NMNAT1: variants seen among roughly 807,000 people sequenced by gnomAD.
NMNAT1 encodes nicotinamide/nicotinic acid mononucleotide adenylyltransferase 1.
NMNAT1 carries 11 observed loss-of-function variants against 16.7 expected under a neutral mutation model. The ratio of observed to expected loss-of-function variants is 0.66; its 90% CI spans 0.41 to 1.09. The LOEUF (loss-of-function observed/expected upper bound fraction) is 1.09. Ranked by LOEUF, NMNAT1 falls within the 50% of genes least tolerant of loss-of-function variation. The pLI, the probability that NMNAT1 is intolerant of heterozygous loss-of-function variation, is 0.00. For missense variants in NMNAT1, 280 were observed against 332.3 expected (o/e 0.84, Z 1.22); for synonymous variants, 110 against 119.8 (o/e 0.92, Z 0.53).
At chr1:9,944,795 T>C (rs998966713) in intron 1 of NMNAT1, among the ~76,000 whole-genome samples, 1 of 152,262 alleles carries the variant, frequency 6.6e-6, no homozygotes, top group African/African-American at 2.4e-5. Flanking sequence ...TGGAATCTCT[T>C]TATTACCATC....
intron 1 of NMNAT1, among the ~76,000 whole-genome samples, chr1:9,944,352 A>T (rs1640914100): frequency 6.6e-6 from 1 of 152,238 alleles, no homozygotes; most frequent in South Asian, 2.1e-4. Context: ...ATTTGAGCCC[A>T]GGCTGGGCAA....
intron 1 of NMNAT1, among the ~76,000 whole-genome samples, chr1:9,968,076 T>TG (rs1172583249): frequency 1.2e-5 from 1 of 85,882 alleles, no homozygotes; most frequent in African/African-American, 2.8e-5. Flanking sequence ...TAGTTTTTTT[T>TG]TTTGTTTTTT....
chr1:9,982,691 C>T lies in NMNAT1; in HGVS notation c.830C>T (p.Ala277Val). 6.2e-7 allele frequency: 1 copy of T among 1,604,210 alleles called. No homozygotes were observed. ...CCTTTGCAGAGAAACACTGCAGAAG[C>T]TAAGACATAGGAATTCTACAGCATG... ...LAPLQRNTAE[A>V]KT Residue 277 changes from alanine to valine, a missense_variant, in exon 5 of 5, where the codon GCT becomes GTT. Physicochemically the swap from Ala to Val is moderately conservative, Grantham distance 64. Transcript: ENST00000377205.
intron 3 of NMNAT1, among the ~76,000 whole-genome samples, chr1:9,977,053 C>A (rs1453685549): frequency 1.3e-5 from 2 of 150,462 alleles, no homozygotes; most frequent in East Asian, 3.9e-4. Flanking sequence ...ATTACAGGCG[C>A]CTGCCACCAC....
At chr1:9,986,328 G>A (rs1642044592), downstream of NMNAT1, among the ~76,000 whole-genome samples, 1 of 152,166 alleles carries the variant, frequency 6.6e-6, no homozygotes, top group South Asian at 2.1e-4. Flanking sequence ...TTGTTTTGCT[G>A]GAGTCTTTTA....
Position 9,946,845 on chromosome 1 carries a change from T to C in NMNAT1, c.-57+3330T>C, listed in dbSNP as rs1640992115. Among the ~76,000 whole-genome samples the C allele has an allele frequency of 4.6e-5, 7 of 152,276 alleles. No individual in the cohort carries two copies. In the South Asian group the frequency reaches 1.0e-3, roughly 23 times the overall value. ...GTGAGGACTAGCAAGAAGGTGGCCATGTACAAGACAGGAACAGAGCTGCCA... is the reference window on the plus strand; with the variant it reads ...GTGAGGACTAGCAAGAAGGTGGCCACGTACAAGACAGGAACAGAGCTGCCA... On this transcript the variant is annotated intron_variant, in intron 1 of 4. Coordinates refer to ENST00000377205, the MANE Select transcript of NMNAT1 (RefSeq NM_022787.4).
At chr1:9,977,914 T>A (rs895100023) in intron 3 of NMNAT1, among the ~76,000 whole-genome samples, 1 of 152,038 alleles carries the variant, frequency 6.6e-6, no homozygotes, top group Non-Finnish European at 1.5e-5. Flanking sequence ...GGGTCACTCC[T>A]CCGATGTTGC....
chr1:9,988,204 G>C (rs547902079), downstream of NMNAT1, among the ~76,000 whole-genome samples: 1 of 152,164 alleles, frequency 6.6e-6, no homozygotes, highest in African/African-American at 2.4e-5. Flanking sequence ...CTCCATGTTG[G>C]CCCGGCTGAT....
intron 1 of NMNAT1, among the ~76,000 whole-genome samples, chr1:9,948,796 G>A (rs1187886236): frequency 6.6e-6 from 1 of 151,374 alleles, no homozygotes; most frequent in African/African-American, 2.4e-5. Flanking sequence ...ACAGGCACCC[G>A]CCACCATGCC....
At chr1:9,977,650 T>G (rs534392511) in intron 3 of NMNAT1, among the ~76,000 whole-genome samples, 1 of 152,140 alleles carries the variant, frequency 6.6e-6, no homozygotes, top group African/African-American at 2.4e-5. Context: ...GCAGATCACC[T>G]GAGTCCAGTA....
chr1:9,956,104 A>G (rs114617394), intron 1 of NMNAT1, among the ~76,000 whole-genome samples: 2,393 of 152,112 alleles, frequency 0.016, 60 homozygotes, highest in African/African-American at 0.053. Flanking sequence ...AAAATAGTCC[A>G]TAAATAATAG....
downstream of NMNAT1, among the ~76,000 whole-genome samples, chr1:9,987,655 ATAAAT>A (rs563998686): frequency 2.4e-4 from 36 of 151,814 alleles, no homozygotes; most frequent in South Asian, 6.0e-3. Context: ...AAATAAATAA[ATAAAT>A]TAAATTAAAT....
rs867881349 is a variant in NMNAT1 at position 9,948,945 on chromosome 1, C to T, written c.-57+5430C>T. On this transcript the variant is annotated intron_variant, in intron 1 of 4. Transcript: ENST00000377205. ...TACAGGCGTCAGCCACTGTGTCTGGCCCGGAATTGTTAAATATACACTGAA... is the reference window on the plus strand; with the variant it reads ...TACAGGCGTCAGCCACTGTGTCTGGTCCGGAATTGTTAAATATACACTGAA... 4.6e-5 allele frequency among the ~76,000 whole-genome samples: 7 copies of T among 150,908 alleles called. No individual in the cohort carries two copies. The South Asian group carries it at 1.5e-3, about 32-fold the overall frequency.
the NMNAT1 span, among the ~76,000 whole-genome samples, chr1:9,994,405 C>T: frequency 1.3e-5 from 2 of 151,028 alleles, no homozygotes; most frequent in African/African-American, 4.9e-5. Flanking sequence ...GAGCCACTGT[C>T]CCCAGCCAAA....
At chr1:9,963,639 C>T (rs997080139) in intron 1 of NMNAT1, among the ~76,000 whole-genome samples, 6 of 152,024 alleles carry the variant, frequency 3.9e-5, no homozygotes, top group Non-Finnish European at 7.4e-5. Context: ...GAACTTCTGA[C>T]CTCGTGATCC....
rs527636315 is a variant in NMNAT1, at chr1:9,972,571, A to G, written c.115+383A>G. 4.7e-4 allele frequency: 84 copies of G among 177,934 alleles called. 1 individual carries two copies. Among genetic ancestry groups the G allele is most frequent in the African/African-American group, 2.0e-3 (83 of 42,262 alleles). 11.0% of individuals were successfully genotyped at this position (177,934 alleles called of 1,614,324 possible). A position where few individuals can be genotyped will look rare whatever the true frequency, so the allele number is the denominator to read the frequency against. ...TACACATTTCATTGACTGGGCACAA[A>G]CATGCTGTCCTGCTCCCTTGTACAG... On this transcript the variant is annotated intron_variant, in intron 2 of 4. Coordinates refer to ENST00000377205, the MANE Select transcript of NMNAT1 (RefSeq NM_022787.4).
At chr1:9,968,616 A>AAGAAC (rs1179694840) in intron 1 of NMNAT1, among the ~76,000 whole-genome samples, 1 of 143,686 alleles carries the variant, frequency 7.0e-6, no homozygotes, top group Non-Finnish European at 1.6e-5. Flanking sequence ...AAAATACAAA[A>AAGAAC]AATAATTAGC....
chr1:9,989,412 C>T (rs1385755096), downstream of NMNAT1, among the ~76,000 whole-genome samples: 1 of 151,808 alleles, frequency 6.6e-6, no homozygotes, highest in Non-Finnish European at 1.5e-5. Context: ...GAGCCAAGAT[C>T]GCGCCACTAC....
At chr1:9,962,000 A>G (rs1557463305) in intron 1 of NMNAT1, among the ~76,000 whole-genome samples, 1 of 151,652 alleles carries the variant, frequency 6.6e-6, no homozygotes, top group African/African-American at 2.4e-5. Flanking sequence ...ACTCCCAACC[A>G]CAGGTGATCC....
Sources: allele counts gnomAD v4.1 joint callset (sites outside exome capture counted in the v4.1 genomes callset), GRCh38; gene constraint gnomAD v4.1.1; transcripts MANE v1.5; gene names NCBI Gene and HGNC (gene_info 2026-07-23, HGNC 2026-07-21).